LYRM4: variants seen among roughly 807,000 people sequenced by gnomAD.
The protein encoded by LYRM4 is LYR motif containing 4.
LYRM4 carries 9 observed loss-of-function variants against 11.7 expected under a neutral mutation model. The ratio of observed to expected loss-of-function variants is 0.77; its 90% CI spans 0.46 to 1.34. The LOEUF is 1.34. Among genes scored for constraint, LYRM4 ranks in the 40% most tolerant of loss-of-function variants. The pLI is 0.00. For synonymous variants in LYRM4, 42 were observed against 40.4 expected, an observed-to-expected ratio of 1.04 and a Z score of -0.15; for missense variants, 133 against 112.5, an observed-to-expected ratio of 1.18 and a Z score of -0.82.
At chr6:5,186,915 CA>C (rs1329308686) in intron 2 of LYRM4, 2 of 453,092 alleles carry the variant, frequency 4.4e-6, no homozygotes, top group South Asian at 3.0e-5. Flanking sequence ...ACCAGGGAGG[CA>C]GAGGTTGTAG....
At chr6:5,232,088 T>C (rs1337090601) in intron 1 of LYRM4, among the ~76,000 whole-genome samples, 1 of 152,222 alleles carries the variant, frequency 6.6e-6, no homozygotes, top group African/African-American at 2.4e-5. Flanking sequence ...TTGGCATTGA[T>C]CTGTCAAAAC....
At chr6:5,061,456 AT>A in the LYRM4 span, among the ~76,000 whole-genome samples, 1 of 152,264 alleles carries the variant, frequency 6.6e-6, no homozygotes, top group Non-Finnish European at 1.5e-5. Flanking sequence ...CAATTGTAAA[AT>A]AAAAAAGGTT....
At chr6:5,242,130 T>C (rs904544945) in intron 1 of LYRM4, among the ~76,000 whole-genome samples, 1 of 150,570 alleles carries the variant, frequency 6.6e-6, no homozygotes, top group Non-Finnish European at 1.5e-5. Context: ...TGGAGTGCAG[T>C]GGTGTGATCT....
the LYRM4 span, chr6:5,086,474 G>T: frequency 6.5e-7 from 1 of 1,537,228 alleles, no homozygotes; most frequent in South Asian, 1.2e-5. Context: ...TTCGCTGTCT[G>T]CTACCGCTGC....
intron 1 of LYRM4, among the ~76,000 whole-genome samples, chr6:5,254,073 G>A (rs957878884): frequency 2.0e-5 from 3 of 152,232 alleles, no homozygotes; most frequent in African/African-American, 7.2e-5. Flanking sequence ...CTTGAATCCC[G>A]GCAAAACTGT....
intron 2 of LYRM4, among the ~76,000 whole-genome samples, chr6:5,168,646 T>TGGGGCAGGGGCA (rs199702891): frequency 1.3e-5 from 2 of 152,100 alleles, no homozygotes; most frequent in African/African-American, 4.8e-5. Context: ...TGATCCTGGA[T>TGGGGCAGGGGCA]GGGGCAGGGG....
downstream of LYRM4, chr6:5,106,358 G>C (rs967095247): frequency 6.6e-6 from 1 of 152,256 alleles, no homozygotes; most frequent in Non-Finnish European, 1.5e-5. Context: ...AGATGTTCAG[G>C]CTCTTTGTTT....
At chr6:5,205,248 G>T (rs943183385) in intron 2 of LYRM4, among the ~76,000 whole-genome samples, 1 of 150,488 alleles carries the variant, frequency 6.6e-6, no homozygotes, top group Admixed American at 6.6e-5. Context: ...GGTCACTGAA[G>T]GCCTTCCCTA....
chr6:5,184,949 C>G (rs79398552), intron 2 of LYRM4, among the ~76,000 whole-genome samples: 7 of 152,198 alleles, frequency 4.6e-5, no homozygotes, highest in African/African-American at 1.7e-4. Context: ...GGGTCAGGGT[C>G]GCACGAGGTT....
downstream of LYRM4, chr6:5,105,248 T>C (rs1159479645): frequency 2.0e-5 from 3 of 152,432 alleles, no homozygotes; most frequent in African/African-American, 7.2e-5. Flanking sequence ...CTGTGGACTT[T>C]CTCGCGCATC....
intron 2 of LYRM4, among the ~76,000 whole-genome samples, chr6:5,146,271 T>G (rs971990360): frequency 6.6e-6 from 1 of 152,184 alleles, no homozygotes; most frequent in Admixed American, 6.5e-5. Flanking sequence ...GGGTCCCTTA[T>G]TGATGCCCTG....
intron 2 of LYRM4, among the ~76,000 whole-genome samples, chr6:5,118,094 A>ATATATATATATATATATTTT: frequency 6.3e-4 from 54 of 86,040 alleles, no homozygotes; most frequent in South Asian, 1.7e-3. Context: ...ATATATATAT[A>ATATATATATATATATATTTT]TTTTTGTTTT....
At chr6:5,067,715 G>A in the LYRM4 span, among the ~76,000 whole-genome samples, 3 of 152,080 alleles carry the variant, frequency 2.0e-5, no homozygotes, top group African/African-American at 7.2e-5. Flanking sequence ...TTGTAGTTTT[G>A]GTGGAAAACT....
At chr6:5,233,054 T>C (rs1386407773) in intron 1 of LYRM4, among the ~76,000 whole-genome samples, 2 of 152,236 alleles carry the variant, frequency 1.3e-5, no homozygotes, top group Non-Finnish European at 2.9e-5. Flanking sequence ...CATCCATGGA[T>C]TAGCACACAA....
chr6:5,221,592 C>T (rs891942825), intron 1 of LYRM4, among the ~76,000 whole-genome samples: 4 of 152,232 alleles, frequency 2.6e-5, no homozygotes, highest in Admixed American at 2.0e-4. Flanking sequence ...ACCTGGGAGG[C>T]TGAGACAGGA....
At chr6:5,189,961 C>A (rs1029705651) in intron 2 of LYRM4, among the ~76,000 whole-genome samples, 1 of 152,140 alleles carries the variant, frequency 6.6e-6, no homozygotes, top group Non-Finnish European at 1.5e-5. Context: ...ATAGATAGAA[C>A]AAAAAGAATT....
At chr6:5,208,721 T>G (rs1306315007) in intron 2 of LYRM4, among the ~76,000 whole-genome samples, 1 of 152,184 alleles carries the variant, frequency 6.6e-6, no homozygotes, top group Non-Finnish European at 1.5e-5. Flanking sequence ...TGCCCCAGAC[T>G]CGAGGATTTA....
chr6:5,237,112 T>A (rs532352400), intron 1 of LYRM4, among the ~76,000 whole-genome samples: 1 of 152,308 alleles, frequency 6.6e-6, no homozygotes, highest in Admixed American at 6.5e-5. Flanking sequence ...TAACTTCACA[T>A]CCACTGGTGT....
At chr6:5,094,589 T>A in the LYRM4 span, among the ~76,000 whole-genome samples, 1 of 152,366 alleles carries the variant, frequency 6.6e-6, no homozygotes, top group South Asian at 2.1e-4. Flanking sequence ...GTTTTGGCAG[T>A]GTTTATTTAC....
Sources: allele counts gnomAD v4.1 joint callset (sites outside exome capture counted in the v4.1 genomes callset), GRCh38; gene constraint gnomAD v4.1.1; transcripts MANE v1.5; gene names NCBI Gene and HGNC (gene_info 2026-07-23, HGNC 2026-07-21).